The following GRIK1 variants were observed in gnomAD, a reference collection of about 807,000 sequenced individuals.
The protein encoded by GRIK1 is glutamate receptor ionotropic, kainate 1.
In GRIK1, 69 loss-of-function variants were observed where a neutral mutation model predicts 105.7. The ratio of observed to expected loss-of-function variants is 0.65; its 90% CI spans 0.54 to 0.80. GRIK1 has a LOEUF of 0.80. Ranked by LOEUF, GRIK1 falls within the 30% of genes least tolerant of loss-of-function variation. The pLI, the probability that GRIK1 is intolerant of heterozygous loss-of-function variation, is 0.00. For missense variants in GRIK1, 1,109 were observed against 1,167.3 expected (o/e 0.95, Z 0.73); for synonymous variants, 438 against 431.3 (o/e 1.02, Z -0.19).
intron 1 of GRIK1, among the ~76,000 whole-genome samples, chr21:29,846,853 A>T (rs1378821814): frequency 1.3e-5 from 2 of 151,940 alleles, no homozygotes; most frequent in African/African-American, 4.8e-5. Context: ...TCATTATAAA[A>T]TTTTTTCTCC....
At chr21:29,817,507 G>A (rs182738743) in intron 1 of GRIK1, among the ~76,000 whole-genome samples, 1 of 152,186 alleles carries the variant, frequency 6.6e-6, no homozygotes, top group East Asian at 1.9e-4. Flanking sequence ...ATAGTGCTGG[G>A]CTTGGCCATG....
At chr21:29,605,981 A>G (rs962562508) in intron 7 of GRIK1, among the ~76,000 whole-genome samples, 4 of 150,436 alleles carry the variant, frequency 2.7e-5, no homozygotes, top group Non-Finnish European at 5.9e-5. Context: ...TGACTATTCT[A>G]TTTTTTAATA....
intron 1 of GRIK1, among the ~76,000 whole-genome samples, chr21:29,764,938 A>C (rs1389479476): frequency 1.3e-5 from 2 of 152,214 alleles, no homozygotes; most frequent in Non-Finnish European, 1.5e-5. Flanking sequence ...CAATTCCCAG[A>C]CTATTTATAA....
At chr21:29,712,123 C>CACACACAT (rs1491324595) in intron 1 of GRIK1, among the ~76,000 whole-genome samples, 28 of 147,122 alleles carry the variant, frequency 1.9e-4, no homozygotes, top group African/African-American at 5.0e-4. Context: ...CACACACACA[C>CACACACAT]ATATATATAG....
chr21:29,808,864 T>G (rs908998435), intron 1 of GRIK1, among the ~76,000 whole-genome samples: 3 of 152,182 alleles, frequency 2.0e-5, no homozygotes, highest in Non-Finnish European at 4.4e-5. Context: ...AGAAATATAC[T>G]TGAAACACAC....
chr21:29,668,973 G>A (rs2063112913), intron 4 of GRIK1, among the ~76,000 whole-genome samples: 1 of 152,178 alleles, frequency 6.6e-6, no homozygotes, highest in Non-Finnish European at 1.5e-5. Context: ...GGGTGGGTAA[G>A]TTGGGGAGAG....
rs115413446 is a variant in GRIK1, at chr21:29,543,505, A to G, written c.2608-5621T>C. On this transcript the variant is annotated intron_variant, in intron 16 of 17. Coordinates refer to ENST00000327783, the MANE Select transcript of GRIK1 (RefSeq NM_001330994.2). Reference sequence around the variant, plus strand: ...CCCTTGTGGGAAGTTTTTGCATTCCAGAACTGAGGATTTGGGCAGCATTTC... The same window carrying G: ...CCCTTGTGGGAAGTTTTTGCATTCCGGAACTGAGGATTTGGGCAGCATTTC... 6.8e-3 allele frequency among the ~76,000 whole-genome samples: 1,037 copies of G among 152,264 alleles called. 14 individuals carry two copies. Among genetic ancestry groups the G allele is most frequent in the African/African-American group, 0.024 (985 of 41,566 alleles).
intron 15 of GRIK1, among the ~76,000 whole-genome samples, chr21:29,558,376 T>A (rs202115700): frequency 1.4e-5 from 2 of 146,930 alleles, no homozygotes; most frequent in African/African-American, 2.5e-5. Flanking sequence ...TATATATATT[T>A]CACACACACA....
At chr21:29,648,021 A>G (rs933905566) in intron 6 of GRIK1, among the ~76,000 whole-genome samples, 1 of 152,074 alleles carries the variant, frequency 6.6e-6, no homozygotes, top group African/African-American at 2.4e-5. Flanking sequence ...TGATTTCTCT[A>G]TTTTCAGGTT....
intron 1 of GRIK1, among the ~76,000 whole-genome samples, chr21:29,700,444 T>C (rs573690351): frequency 1.1e-4 from 16 of 152,252 alleles, no homozygotes; most frequent in Admixed American, 7.9e-4. Context: ...GTCAATAATG[T>C]GCTATTCGTG....
chr21:29,937,768 C>T (rs1432667600), intron 1 of GRIK1, among the ~76,000 whole-genome samples: 1 of 150,142 alleles, frequency 6.7e-6, no homozygotes, highest in African/African-American at 2.4e-5. Flanking sequence ...AACACACACG[C>T]TCATTAGTTA....
chr21:29,851,197 A>G (rs1471937515), intron 1 of GRIK1, among the ~76,000 whole-genome samples: 1 of 151,974 alleles, frequency 6.6e-6, no homozygotes, highest in Non-Finnish European at 1.5e-5. Flanking sequence ...TGGAACTACA[A>G]GCGTGAGCCA....
At chr21:29,631,192 A>G (rs139267395) in intron 7 of GRIK1, among the ~76,000 whole-genome samples, 1 of 152,286 alleles carries the variant, frequency 6.6e-6, no homozygotes, top group East Asian at 1.9e-4. Context: ...TCCTACTTCT[A>G]GGTGTATGGT....
intron 1 of GRIK1, among the ~76,000 whole-genome samples, chr21:29,888,201 C>T (rs779716347): frequency 0.63 from 35,854 of 56,792 alleles, 13,985 homozygotes; most frequent in Admixed American, 0.8. Flanking sequence ...TTCTTTCTCT[C>T]TCTCTCTCTC....
At chr21:29,539,791 C>A (rs1006383825) in intron 16 of GRIK1, among the ~76,000 whole-genome samples, 1 of 152,014 alleles carries the variant, frequency 6.6e-6, no homozygotes, top group Non-Finnish European at 1.5e-5. Context: ...ACATATTATA[C>A]CCTTTATATA....
chr21:29,772,940 G>A (rs1220598506), intron 1 of GRIK1, among the ~76,000 whole-genome samples: 1 of 152,092 alleles, frequency 6.6e-6, no homozygotes, highest in Admixed American at 6.6e-5. Flanking sequence ...AATTTCTAAT[G>A]ATTGGAAAAT....
At chr21:29,808,173 G>C (rs966104301) in intron 1 of GRIK1, among the ~76,000 whole-genome samples, 1 of 152,044 alleles carries the variant, frequency 6.6e-6, no homozygotes, top group African/African-American at 2.4e-5. Context: ...TTTTCAAGTC[G>C]GGTCTGAAGT....
chr21:29,913,892 C>A (rs947443050), intron 1 of GRIK1, among the ~76,000 whole-genome samples: 1 of 151,814 alleles, frequency 6.6e-6, no homozygotes, highest in African/African-American at 2.4e-5. Context: ...AATGAAAATA[C>A]ATATTCAGTA....
At chr21:29,891,144 G>T (rs911186955) in intron 1 of GRIK1, among the ~76,000 whole-genome samples, 1 of 152,070 alleles carries the variant, frequency 6.6e-6, no homozygotes, top group Non-Finnish European at 1.5e-5. Flanking sequence ...GTCATTTTTA[G>T]ATCATTTTGA....
Sources: gnomAD v4.1 joint callset for allele counts (sites outside exome capture counted in the v4.1 genomes callset) on GRCh38, gnomAD v4.1.1 for gene constraint, MANE v1.5 for transcripts, NCBI Gene and HGNC (gene_info 2026-07-23, HGNC 2026-07-21) for gene names.